Variants in COL21A1 observed in about 807,000 individuals in gnomAD.
COL21A1 encodes the protein collagen type XXI alpha 1 chain.
In COL21A1, 149 loss-of-function variants were observed where a neutral mutation model predicts 137.9. That is an observed-to-expected ratio of 1.08 (90% CI 0.95 to 1.24). The LOEUF is 1.24. Among genes scored for constraint, COL21A1 ranks in the 50% most tolerant of loss-of-function variants. The pLI, the probability that COL21A1 is intolerant of heterozygous loss-of-function variation, is 0.00. For synonymous variants in COL21A1, 456 were observed against 391.5 expected, an observed-to-expected ratio of 1.16 and a Z score of -1.95; for missense variants, 1,167 against 1,158.4, an observed-to-expected ratio of 1.01 and a Z score of -0.11.
At chr6:56,265,656 A>G (rs1763375506) in intron 1 of COL21A1, among the ~76,000 whole-genome samples, 1 of 152,222 alleles carries the variant, frequency 6.6e-6, no homozygotes, top group South Asian at 2.1e-4. Flanking sequence ...AGATCATACC[A>G]TCTTAATTCA....
rs1225863102 is a variant in COL21A1, at chr6:56,124,505, T to C, written c.1651-213A>G. On this transcript the variant is annotated intron_variant, in intron 14 of 29. Transcript: ENST00000244728. ...AATGTTGATAGATGCAGAATTATCA[T>C]TACAAGCATCTAAACATAGAAATAA... Among the ~76,000 whole-genome samples, 4 of 152,202 alleles carry C rather than the reference T, an allele frequency of 2.6e-5. No homozygotes were observed. In the East Asian group the frequency reaches 5.8e-4, roughly 22 times the overall value.
intron 16 of COL21A1, among the ~76,000 whole-genome samples, chr6:56,104,737 A>C (rs753274947): frequency 6.6e-6 from 1 of 152,206 alleles, no homozygotes; most frequent in Non-Finnish European, 1.5e-5. Flanking sequence ...TAACGTCAAA[A>C]ATGATTTATT....
chr6:56,313,785 T>C (rs943518075), intron 1 of COL21A1, among the ~76,000 whole-genome samples: 2 of 152,138 alleles, frequency 1.3e-5, no homozygotes, highest in Non-Finnish European at 2.9e-5. Context: ...GTCCATAGCA[T>C]AGCCATTTAG....
intron 1 of COL21A1, among the ~76,000 whole-genome samples, chr6:56,236,099 T>C (rs1304084995): frequency 4.6e-5 from 7 of 151,936 alleles, no homozygotes; most frequent in Non-Finnish European, 1.5e-5. Context: ...CCAATGGCCA[T>C]AGATATCAAA....
chr6:56,352,068 A>G (rs1765722287), intron 1 of COL21A1, among the ~76,000 whole-genome samples: 1 of 152,220 alleles, frequency 6.6e-6, no homozygotes, highest in African/African-American at 2.4e-5. Context: ...CAGGAGTTCA[A>G]GACAGCCTGG....
At chr6:56,199,517 C>T (rs1779239565) in intron 1 of COL21A1, among the ~76,000 whole-genome samples, 1 of 151,878 alleles carries the variant, frequency 6.6e-6, no homozygotes, top group Non-Finnish European at 1.5e-5. Context: ...TTTTCTAATG[C>T]TTAGAAAAAA....
intron 12 of COL21A1, among the ~76,000 whole-genome samples, chr6:56,129,045 G>A (rs975163345): frequency 1.4e-4 from 21 of 152,118 alleles, no homozygotes; most frequent in Non-Finnish European, 2.5e-4. Flanking sequence ...ATAAACTTTC[G>A]TGTTTCTGCT....
At chr6:56,284,633 C>T (rs1260541868) in intron 1 of COL21A1, among the ~76,000 whole-genome samples, 1 of 152,098 alleles carries the variant, frequency 6.6e-6, no homozygotes, top group African/African-American at 2.4e-5. Flanking sequence ...CCAGAATTAC[C>T]ATTCTAAGAC....
chr6:56,355,960 G>T (rs1765819309), intron 1 of COL21A1, among the ~76,000 whole-genome samples: 1 of 152,198 alleles, frequency 6.6e-6, no homozygotes, highest in Non-Finnish European at 1.5e-5. Context: ...TCCCAAAAAA[G>T]TGGAAGACTA....
intron 17 of COL21A1, among the ~76,000 whole-genome samples, chr6:56,097,553 G>C (rs1366480835): frequency 6.6e-6 from 1 of 151,182 alleles, no homozygotes; most frequent in African/African-American, 2.4e-5. Context: ...GAAGGAAATG[G>C]TTAAAATCTA....
chr6:56,252,384 C>T (rs1340671861), upstream of COL21A1, among the ~76,000 whole-genome samples: 1 of 152,194 alleles, frequency 6.6e-6, no homozygotes, highest in African/African-American at 2.4e-5. Flanking sequence ...TACCCTGCTT[C>T]TAGCCCTAAC....
chr6:56,283,380 AAAAGG>A (rs1763827959), intron 1 of COL21A1, among the ~76,000 whole-genome samples: 1 of 152,168 alleles, frequency 6.6e-6, no homozygotes, highest in East Asian at 1.9e-4. Flanking sequence ...GTTAAGAGAA[AAAAGG>A]AAAAGAATAA....
chr6:56,326,744 C>A (rs570921887), intron 1 of COL21A1, among the ~76,000 whole-genome samples: 3 of 151,920 alleles, frequency 2.0e-5, no homozygotes, highest in Non-Finnish European at 4.4e-5. Context: ...TTGTAGAAAC[C>A]TTTAATAAAA....
chr6:56,194,200 A>T (rs1489254614), intron 1 of COL21A1, among the ~76,000 whole-genome samples: 1 of 152,192 alleles, frequency 6.6e-6, no homozygotes, highest in Non-Finnish European at 1.5e-5. Context: ...ATTCATTCAG[A>T]TTTTTTGGGC....
Position 56,098,616 on chromosome 6 carries a change from AATATATATAAAT to A in COL21A1, c.1812+2844_1812+2855del, listed in dbSNP as rs1562193615. Reference sequence around the variant, plus strand: ...ATAAATATATATATAAATATATATAAATATATATAAATATATATATAAATATATATAAATATA... The same window carrying A: ...ATAAATATATATATAAATATATATAAATATATATAAATATATATAAATATA... On this transcript the variant is annotated intron_variant, in intron 17 of 29. Coordinates refer to ENST00000244728, the MANE Select transcript of COL21A1 (RefSeq NM_030820.4). Among the ~76,000 whole-genome samples, 6 of 6,748 alleles carry A rather than the reference AATATATATAAAT, an allele frequency of 8.9e-4. 2 individuals carry two copies. The highest frequency in any genetic ancestry group is 5.1e-3 in the African/African-American group (6 of 1,172). The allele number at this position is 6,748 out of a possible 152,430, so 4.4% of individuals were successfully genotyped here.
intron 9 of COL21A1, among the ~76,000 whole-genome samples, chr6:56,163,702 G>A (rs911339913): frequency 1.3e-5 from 1 of 74,760 alleles, no homozygotes; most frequent in Non-Finnish European, 2.5e-5. Flanking sequence ...GCAAGGCTCC[G>A]TCTCAAAAAA....
intron 16 of COL21A1, among the ~76,000 whole-genome samples, chr6:56,122,297 A>G (rs1307045150): frequency 1.3e-5 from 2 of 150,448 alleles, no homozygotes; most frequent in Non-Finnish European, 3.0e-5. Flanking sequence ...AGACCACTAC[A>G]TGGGCATGCG....
chr6:56,153,082 G>C lies in COL21A1; in HGVS notation c.1434+3805C>G, dbSNP rs557394295. Reference sequence around the variant, plus strand: ...GTCATATGACATCTTAAGTAAAAGTGAGAAAGGAATGGGTTATAAGGGAAA... The same window carrying C: ...GTCATATGACATCTTAAGTAAAAGTCAGAAAGGAATGGGTTATAAGGGAAA... On this transcript the variant is annotated intron_variant, in intron 10 of 29. Transcript: ENST00000244728. Among the ~76,000 whole-genome samples the C allele has an allele frequency of 4.6e-5, 7 of 152,306 alleles. No individual in the cohort carries two copies. In the East Asian group the frequency reaches 1.3e-3, roughly 29 times the overall value.
intron 12 of COL21A1, among the ~76,000 whole-genome samples, chr6:56,131,853 C>T (rs1729689357): frequency 6.6e-6 from 1 of 152,122 alleles, no homozygotes; most frequent in Non-Finnish European, 1.5e-5. Context: ...CTAAAAGAGA[C>T]TCTGCCTGTT....
Sources: allele counts gnomAD v4.1 joint callset (sites outside exome capture counted in the v4.1 genomes callset), GRCh38; gene constraint gnomAD v4.1.1; transcripts MANE v1.5; gene names NCBI Gene and HGNC (gene_info 2026-07-23, HGNC 2026-07-21).